Variants in PTPRJ observed in about 807,000 individuals in gnomAD.
PTPRJ encodes protein tyrosine phosphatase receptor type J.
In PTPRJ, 129 loss-of-function variants were observed where a neutral mutation model predicts 141.3. The ratio of observed to expected loss-of-function variants is 0.91; its 90% CI spans 0.79 to 1.06. PTPRJ has a LOEUF of 1.06. Among genes scored for constraint, PTPRJ ranks in the 50% least tolerant of loss-of-function variants. The probability of loss-of-function intolerance (pLI) is 0.00; values close to 1 mark genes in which losing one functional copy is unlikely to be tolerated. For synonymous variants in PTPRJ, 610 were observed against 640.5 expected, an observed-to-expected ratio of 0.95 and a Z score of 0.72; for missense variants, 1,601 against 1,679.7, an observed-to-expected ratio of 0.95 and a Z score of 0.82.
At chr11:48,072,872 T>G (rs1414052587) in intron 1 of PTPRJ, among the ~76,000 whole-genome samples, 4 of 152,162 alleles carry the variant, frequency 2.6e-5, no homozygotes. Flanking sequence ...AACCCCATGG[T>G]TTCTTGGATA....
intron 1 of PTPRJ, among the ~76,000 whole-genome samples, chr11:48,058,781 C>A (rs2134257261): frequency 6.6e-6 from 1 of 152,258 alleles, no homozygotes; most frequent in East Asian, 1.9e-4. Context: ...TCATGTTGCT[C>A]CTCTGCTCAA....
chr11:48,122,109 G>A lies in PTPRJ; in HGVS notation c.616+843G>A, dbSNP rs370625927. Reference sequence around the variant, plus strand: ...GCCCAAAAAGTAAAAATAAAAAACTGGAGAGAAAAGAGCCAAAGAAATGGG... The same window carrying A: ...GCCCAAAAAGTAAAAATAAAAAACTAGAGAGAAAAGAGCCAAAGAAATGGG... On this transcript the variant is annotated intron_variant, in intron 4 of 24. Coordinates refer to ENST00000418331, the MANE Select transcript of PTPRJ (RefSeq NM_002843.4). Among the ~76,000 whole-genome samples the A allele has an allele frequency of 1.1e-4, 16 of 152,216 alleles. No homozygotes were observed. The East Asian group carries it at 2.1e-3, about 20-fold the overall frequency.
At chr11:48,077,837 T>A (rs1855447268) in intron 1 of PTPRJ, among the ~76,000 whole-genome samples, 1 of 152,208 alleles carries the variant, frequency 6.6e-6, no homozygotes, top group Non-Finnish European at 1.5e-5. Flanking sequence ...CTCCAGCGAT[T>A]TGTAACCTTG....
intron 22 of PTPRJ, 136 bp downstream of exon 22, chr11:48,160,185 A>C (rs1590570459): frequency 7.9e-7 from 1 of 1,259,386 alleles, no homozygotes; most frequent in Middle Eastern, 2.8e-4. Context: ...CTTTCAGAAC[A>C]GAACAATCCA....
At chr11:48,072,888 A>G (rs967968614) in intron 1 of PTPRJ, among the ~76,000 whole-genome samples, 2 of 152,250 alleles carry the variant, frequency 1.3e-5, no homozygotes, top group Non-Finnish European at 2.9e-5. Flanking sequence ...GGATAGTATT[A>G]CATAGGGTGA....
intron 1 of PTPRJ, among the ~76,000 whole-genome samples, chr11:47,992,675 A>G (rs1461135927): frequency 1.3e-5 from 2 of 152,224 alleles, no homozygotes; most frequent in African/African-American, 4.8e-5. Context: ...AAACCAAATC[A>G]TAGACTTACA....
intron 4 of PTPRJ, among the ~76,000 whole-genome samples, chr11:48,122,754 T>A (rs115909284): frequency 0.016 from 2,486 of 152,336 alleles, 65 homozygotes; most frequent in African/African-American, 0.056. Context: ...ATGAGAGACA[T>A]GTGCTGTGAA....
chr11:48,050,364 C>T (rs934888865), intron 1 of PTPRJ, among the ~76,000 whole-genome samples: 4 of 152,108 alleles, frequency 2.6e-5, no homozygotes, highest in Non-Finnish European at 5.9e-5. Flanking sequence ...TTAGCAACAC[C>T]CCCACCAGAG....
In PTPRJ at chr11:48,125,002, C is replaced by T. The variant is rs1340180943; in HGVS notation, c.909C>T (p.Ser303=). The T allele has an allele frequency of 1.9e-6, 3 of 1,613,870 alleles. No homozygotes were observed. In the African/African-American group the frequency reaches 4.0e-5, roughly 22 times the overall value. ...ASNTERSRAG[S]PTAPVHDESL... Reference sequence around the variant, plus strand: ...ATACAGAGAGAAGCCGGGCAGGGAGCCCCACCGCCCCTGTGCATGATGAGT... The same window carrying T: ...ATACAGAGAGAAGCCGGGCAGGGAGTCCCACCGCCCCTGTGCATGATGAGT... Residue 303 remains serine, a synonymous_variant, in exon 6 of 25, where the codon AGC becomes AGT. Coordinates refer to ENST00000418331, the MANE Select transcript of PTPRJ (RefSeq NM_002843.4).
At chr11:48,109,982 C>T (rs758592819) in intron 1 of PTPRJ, 76 bp from the exon 2 acceptor site, 5 of 1,543,562 alleles carry the variant, frequency 3.2e-6, no homozygotes, top group Non-Finnish European at 4.5e-6. Context: ...ATTAAATCCT[C>T]AACTGCTTTA....
chr11:48,134,548 T>A (rs936928719), intron 8 of PTPRJ, among the ~76,000 whole-genome samples: 6 of 152,090 alleles, frequency 3.9e-5, no homozygotes, highest in African/African-American at 1.4e-4. Flanking sequence ...AAAAAAAAAA[T>A]TAATTTTGGA....
At chr11:48,089,554 A>C (rs1855812815) in intron 1 of PTPRJ, among the ~76,000 whole-genome samples, 1 of 152,018 alleles carries the variant, frequency 6.6e-6, no homozygotes, top group Non-Finnish European at 1.5e-5. Context: ...CACACACAAC[A>C]AAAAATAAAT....
At chr11:48,005,230 A>G (rs1421880601) in intron 1 of PTPRJ, among the ~76,000 whole-genome samples, 1 of 152,044 alleles carries the variant, frequency 6.6e-6, no homozygotes, top group Non-Finnish European at 1.5e-5. Flanking sequence ...TTAAAAAAAA[A>G]AAAAGCATAC....
At position 48,075,131 on chromosome 11, in the gene PTPRJ, A is replaced by T. The variant is rs535967097; in HGVS notation, c.97-34927A>T. Among the ~76,000 whole-genome samples the T allele has an allele frequency of 2.0e-4, 30 of 152,036 alleles. No individual in the cohort carries two copies. The South Asian group carries it at 6.2e-3, about 32-fold the overall frequency. On this transcript the variant is annotated intron_variant, in intron 1 of 24. Coordinates refer to ENST00000418331, the MANE Select transcript of PTPRJ (RefSeq NM_002843.4). ...TAGCAGTTACATGCTAGCATTATTTATTTATTTAGTTAGTTAGTTAGTTAG... is the reference window on the plus strand; with the variant it reads ...TAGCAGTTACATGCTAGCATTATTTTTTTATTTAGTTAGTTAGTTAGTTAG...
At chr11:48,123,222 A>G (rs1412921106) in intron 4 of PTPRJ, among the ~76,000 whole-genome samples, 1 of 152,230 alleles carries the variant, frequency 6.6e-6, no homozygotes, top group Non-Finnish European at 1.5e-5. Flanking sequence ...ATTAGTAAAC[A>G]GTCACTTTAT....
At chr11:48,107,485 A>G (rs894639614) in intron 1 of PTPRJ, among the ~76,000 whole-genome samples, 4 of 152,140 alleles carry the variant, frequency 2.6e-5, no homozygotes, top group Non-Finnish European at 5.9e-5. Flanking sequence ...ACTGGGGTAT[A>G]TAGGGAAGTC....
intron 1 of PTPRJ, among the ~76,000 whole-genome samples, chr11:48,016,463 G>T (rs1854952425): frequency 1.3e-5 from 2 of 152,240 alleles, no homozygotes; most frequent in African/African-American, 4.8e-5. Context: ...TCTCAGGCCA[G>T]ACAGTTCCAA....
chr11:48,061,284 C>T (rs1344959333), intron 1 of PTPRJ, among the ~76,000 whole-genome samples: 1 of 152,140 alleles, frequency 6.6e-6, no homozygotes, highest in Non-Finnish European at 1.5e-5. Context: ...CCCTCTTCTC[C>T]TTTCTAACAC....
chr11:47,989,638 A>T (rs1264836872), intron 1 of PTPRJ, among the ~76,000 whole-genome samples: 1 of 151,974 alleles, frequency 6.6e-6, no homozygotes. Context: ...ATATCTATAG[A>T]TAGATAGATA....
Sources: allele counts gnomAD v4.1 joint callset (sites outside exome capture counted in the v4.1 genomes callset), GRCh38; gene constraint gnomAD v4.1.1; transcripts MANE v1.5; gene names NCBI Gene and HGNC (gene_info 2026-07-23, HGNC 2026-07-21).